CDYL2: variants seen among roughly 807,000 people sequenced by gnomAD.
CDYL2 encodes chromodomain Y-like protein 2.
CDYL2 carries 23 observed loss-of-function variants against 49.4 expected under a neutral mutation model. The observed-to-expected ratio is 0.47, with a 90% CI of 0.34 to 0.66. The LOEUF (loss-of-function observed/expected upper bound fraction) is 0.66, where lower values mean the gene tolerates loss of function less well. CDYL2 is among the 30% of genes least tolerant of loss of function. The pLI is 0.01. For synonymous variants in CDYL2, 360 were observed against 268.8 expected, an observed-to-expected ratio of 1.34 and a Z score of -3.32; for missense variants, 678 against 656.4, an observed-to-expected ratio of 1.03 and a Z score of -0.36.
At chr16:80,693,255 G>T (rs1364017324) in intron 1 of CDYL2, among the ~76,000 whole-genome samples, 3 of 152,120 alleles carry the variant, frequency 2.0e-5, no homozygotes, top group African/African-American at 7.2e-5. Flanking sequence ...CTTTTACACT[G>T]AAAATGTGTG....
intron 2 of CDYL2, among the ~76,000 whole-genome samples, chr16:80,633,582 C>G (rs73592255): frequency 0.059 from 8,961 of 152,258 alleles, 808 homozygotes; most frequent in African/African-American, 0.2. Flanking sequence ...GCCTATGAAT[C>G]ATAGGAAATT....
chr16:80,753,562 C>G (rs980719256), intron 1 of CDYL2, among the ~76,000 whole-genome samples: 1 of 152,014 alleles, frequency 6.6e-6, no homozygotes, highest in African/African-American at 2.4e-5. Flanking sequence ...GAGCCAAGAT[C>G]GTGCCATTGT....
At chr16:80,689,899 T>C (rs1367517891) in intron 1 of CDYL2, among the ~76,000 whole-genome samples, 1 of 152,072 alleles carries the variant, frequency 6.6e-6, no homozygotes, top group Non-Finnish European at 1.5e-5. Context: ...GGTGGCCGGA[T>C]CACCTGAGGT....
intron 5 of CDYL2, among the ~76,000 whole-genome samples, chr16:80,611,638 C>T (rs560936904): frequency 1.3e-5 from 2 of 152,220 alleles, no homozygotes; most frequent in Non-Finnish European, 2.9e-5. Context: ...CCAGCCAGTT[C>T]GTGCTCAAAT....
At chr16:80,738,883 T>C (rs1905633484) in intron 1 of CDYL2, 1 of 152,248 alleles carries the variant, frequency 6.6e-6, no homozygotes, top group Non-Finnish European at 1.5e-5. Flanking sequence ...AAATTTCTAA[T>C]TCTTGTGAAA....
intron 1 of CDYL2, among the ~76,000 whole-genome samples, chr16:80,688,072 G>A (rs990047364): frequency 1.3e-5 from 2 of 152,202 alleles, no homozygotes; most frequent in African/African-American, 4.8e-5. Context: ...CTGAAGGTTA[G>A]CAAGGGTGCA....
intron 2 of CDYL2, among the ~76,000 whole-genome samples, chr16:80,642,418 G>A (rs2142406351): frequency 6.6e-6 from 1 of 152,202 alleles, no homozygotes; most frequent in East Asian, 1.9e-4. Context: ...GTCTAGCCTG[G>A]GTTAACGGAG....
At chr16:80,644,697 G>A (rs990372237) in intron 2 of CDYL2, among the ~76,000 whole-genome samples, 1 of 152,124 alleles carries the variant, frequency 6.6e-6, no homozygotes, top group Non-Finnish European at 1.5e-5. Context: ...AGAACAGTAT[G>A]GGGGAAACTG....
chr16:80,676,886 T>C (rs1909766027), intron 2 of CDYL2, among the ~76,000 whole-genome samples: 1 of 152,146 alleles, frequency 6.6e-6, no homozygotes. Flanking sequence ...CGTTTAGATT[T>C]GCCTGCAAAA....
chr16:80,659,324 G>A (rs896059910), intron 2 of CDYL2, among the ~76,000 whole-genome samples: 1 of 152,040 alleles, frequency 6.6e-6, no homozygotes, highest in Non-Finnish European at 1.5e-5. Context: ...GGCAACTAAA[G>A]GCATCATGGA....
In CDYL2 at chr16:80,763,686, T is replaced by G. The variant is rs540441598; in HGVS notation, c.24+40464A>C. Among the ~76,000 whole-genome samples the G allele has an allele frequency of 7.2e-5, 11 of 152,220 alleles. No individual in the cohort carries two copies. The South Asian group carries it at 2.3e-3, about 32-fold the overall frequency. Reference sequence around the variant, plus strand: ...CAAAGACTAAGAGAGGAAGGGAACATCAAGCCACTTTAAAAGTGACATTAA... The same window carrying G: ...CAAAGACTAAGAGAGGAAGGGAACAGCAAGCCACTTTAAAAGTGACATTAA... On this transcript the variant is annotated intron_variant, in intron 1 of 6. Coordinates refer to ENST00000570137, the MANE Select transcript of CDYL2 (RefSeq NM_152342.4).
intron 2 of CDYL2, among the ~76,000 whole-genome samples, chr16:80,681,094 G>C (rs567551823): frequency 6.6e-6 from 1 of 152,294 alleles, no homozygotes; most frequent in South Asian, 2.1e-4. Flanking sequence ...CAGTAGATCA[G>C]GGAAGTCAGC....
chr16:80,714,205 A>C (rs993802375), intron 1 of CDYL2, among the ~76,000 whole-genome samples: 1 of 152,100 alleles, frequency 6.6e-6, no homozygotes, highest in Admixed American at 6.5e-5. Context: ...GACCCTTGAC[A>C]CTAAGCTTCC....
intron 1 of CDYL2, among the ~76,000 whole-genome samples, chr16:80,740,891 T>G (rs968869914): frequency 1.3e-5 from 2 of 151,630 alleles, no homozygotes; most frequent in Admixed American, 6.6e-5. Context: ...TCTATATTTG[T>G]GGATGGGAAG....
At chr16:80,727,144 G>T (rs1210946959) in intron 1 of CDYL2, among the ~76,000 whole-genome samples, 1 of 152,254 alleles carries the variant, frequency 6.6e-6, no homozygotes, top group Non-Finnish European at 1.5e-5. Context: ...CAGCGTGAGT[G>T]ACGCAGAAGA....
At chr16:80,670,833 T>C (rs1032341476) in intron 2 of CDYL2, 8 of 446,626 alleles carry the variant, frequency 1.8e-5, no homozygotes, top group Non-Finnish European at 3.6e-5. Context: ...ACAGTCGGGT[T>C]GCACACGAGG....
chr16:80,742,984 G>A (rs115204686), intron 1 of CDYL2, among the ~76,000 whole-genome samples: 5,240 of 122,006 alleles, frequency 0.043, 103 homozygotes, highest in East Asian at 0.1. Flanking sequence ...ATCGATAGGT[G>A]AGTACAAAGA....
chr16:80,717,907 A>T (rs891557650), intron 1 of CDYL2, among the ~76,000 whole-genome samples: 5 of 152,364 alleles, frequency 3.3e-5, no homozygotes, highest in Middle Eastern at 3.4e-3. Context: ...AAAGTAGGGC[A>T]CACTGAGCAG....
At chr16:80,749,601 G>A (rs1406610201) in intron 1 of CDYL2, among the ~76,000 whole-genome samples, 1 of 151,996 alleles carries the variant, frequency 6.6e-6, no homozygotes, top group Non-Finnish European at 1.5e-5. Context: ...ACTAACTCTT[G>A]GCTAAGGAAG....
Sources: allele counts gnomAD v4.1 joint callset (sites outside exome capture counted in the v4.1 genomes callset), GRCh38; gene constraint gnomAD v4.1.1; transcripts MANE v1.5; gene names NCBI Gene and HGNC (gene_info 2026-07-23, HGNC 2026-07-21).